Variants in PGCKA1 observed in about 807,000 individuals in gnomAD.
PGCKA1 encodes the protein PDCD10 and GCKIII kinases-associated protein 1.
At chr4:37,581,175 A>G in the PGCKA1 span, among the ~76,000 whole-genome samples, 1 of 152,174 alleles carries the variant, frequency 6.6e-6, no homozygotes, top group South Asian at 2.1e-4. This position sits in a 1 kb window ranked among gnomAD's most constrained non-coding sequence, Gnocchi z 4.4. Flanking sequence ...CAGAAATGCC[A>G]TCCAAGAGCC....
the PGCKA1 span, among the ~76,000 whole-genome samples, chr4:37,527,947 G>T: frequency 6.6e-6 from 1 of 152,162 alleles, no homozygotes; most frequent in Non-Finnish European, 1.5e-5. Flanking sequence ...TGTGTGGTAG[G>T]CTACACCATC....
chr4:37,548,108 AC>A, the PGCKA1 span, among the ~76,000 whole-genome samples: 1 of 152,068 alleles, frequency 6.6e-6, no homozygotes, highest in African/African-American at 2.4e-5. Context: ...TAAAGAAAAA[AC>A]TACTTGTAAT....
chr4:37,527,828 C>A, the PGCKA1 span, among the ~76,000 whole-genome samples: 23 of 143,230 alleles, frequency 1.6e-4, no homozygotes, highest in African/African-American at 1.5e-4. Flanking sequence ...GACTCCGTCT[C>A]AAAAAAAAAA....
At chr4:37,520,819 A>G in the PGCKA1 span, among the ~76,000 whole-genome samples, 2 of 152,110 alleles carry the variant, frequency 1.3e-5, no homozygotes, top group African/African-American at 4.8e-5. Context: ...GGATTTCAGC[A>G]TATTAGCCAG....
chr4:37,566,582 G>T, the PGCKA1 span, among the ~76,000 whole-genome samples: 1 of 147,704 alleles, frequency 6.8e-6, no homozygotes, highest in Non-Finnish European at 1.5e-5. Context: ...TTGTTTCTGA[G>T]GCTTTTTATT....
the PGCKA1 span, among the ~76,000 whole-genome samples, chr4:37,578,397 G>A: frequency 6.6e-6 from 1 of 152,104 alleles, no homozygotes; most frequent in Non-Finnish European, 1.5e-5. Context: ...CATTGGCATG[G>A]AGCATCTTTT....
chr4:37,542,876 G>A, the PGCKA1 span, among the ~76,000 whole-genome samples: 3 of 152,078 alleles, frequency 2.0e-5, no homozygotes, highest in East Asian at 5.8e-4. Context: ...TTATAAGCTT[G>A]ATGTCTTATT....
At chr4:37,552,352 C>T in the PGCKA1 span, among the ~76,000 whole-genome samples, 2 of 152,140 alleles carry the variant, frequency 1.3e-5, no homozygotes, top group Non-Finnish European at 2.9e-5. Flanking sequence ...AGAAATTGTG[C>T]ACTTGGGGAG....
At chr4:37,478,684 A>G in the PGCKA1 span, among the ~76,000 whole-genome samples, 1 of 152,240 alleles carries the variant, frequency 6.6e-6, no homozygotes, top group African/African-American at 2.4e-5. Context: ...AATTAAATTG[A>G]TAACAAGACG....
At chr4:37,579,627 G>A in the PGCKA1 span, among the ~76,000 whole-genome samples, 4 of 152,192 alleles carry the variant, frequency 2.6e-5, no homozygotes, top group Non-Finnish European at 5.9e-5. Context: ...GATTTCCACT[G>A]AAAAGTCTGC....
At chr4:37,543,675 A>AAAG in the PGCKA1 span, among the ~76,000 whole-genome samples, 3 of 150,230 alleles carry the variant, frequency 2.0e-5, no homozygotes, top group East Asian at 3.9e-4. Context: ...GAAAAAAAAA[A>AAAG]TACAAAAAAT....
At chr4:37,582,740 T>C in the PGCKA1 span, among the ~76,000 whole-genome samples, 1 of 152,216 alleles carries the variant, frequency 6.6e-6, no homozygotes, top group African/African-American at 2.4e-5. Flanking sequence ...ATTATGGCAC[T>C]ATTACCTTTG....
the PGCKA1 span, among the ~76,000 whole-genome samples, chr4:37,489,149 A>G: frequency 5.4e-3 from 816 of 149,906 alleles, 7 homozygotes; most frequent in African/African-American, 0.02. Context: ...TCAATTATGC[A>G]AGATGAATAA....
chr4:37,535,529 A>AG, the PGCKA1 span, among the ~76,000 whole-genome samples: 1 of 152,208 alleles, frequency 6.6e-6, no homozygotes, highest in Non-Finnish European at 1.5e-5. Context: ...GGGTTTAAGT[A>AG]GACAGCTTCC....
At chr4:37,511,682 T>G in the PGCKA1 span, among the ~76,000 whole-genome samples, 1 of 152,170 alleles carries the variant, frequency 6.6e-6, no homozygotes, top group Admixed American at 6.5e-5. Context: ...GAGGGCATGA[T>G]GTAGGCACTC....
At chr4:37,542,648 C>T in the PGCKA1 span, among the ~76,000 whole-genome samples, 1 of 152,102 alleles carries the variant, frequency 6.6e-6, no homozygotes, top group African/African-American at 2.4e-5. Context: ...AAGTATGGCT[C>T]ATTAGTGTAA....
At chr4:37,475,945 T>A in the PGCKA1 span, among the ~76,000 whole-genome samples, 1 of 150,742 alleles carries the variant, frequency 6.6e-6, no homozygotes, top group African/African-American at 2.4e-5. Context: ...ATGTATTTTA[T>A]TTTAAAATAC....
the PGCKA1 span, among the ~76,000 whole-genome samples, chr4:37,583,311 C>T: frequency 2.0e-5 from 3 of 152,326 alleles, no homozygotes; most frequent in East Asian, 3.9e-4. Flanking sequence ...GGCTGGAGAA[C>T]TCCTGGGCTT....
chr4:37,462,534 G>A, the PGCKA1 span, among the ~76,000 whole-genome samples: 1 of 152,068 alleles, frequency 6.6e-6, no homozygotes, highest in Non-Finnish European at 1.5e-5. Context: ...ATTATTTCAT[G>A]GAAAATTGAA....
Sources: gnomAD v4.1 joint callset for allele counts (sites outside exome capture counted in the v4.1 genomes callset) on GRCh38, gnomAD v4.1.1 for gene constraint, Gnocchi (gnomAD v3.1) non-coding constraint, MANE v1.5 for transcripts, NCBI Gene and HGNC (gene_info 2026-07-23, HGNC 2026-07-21) for gene names.